EPRS1: variants seen among roughly 807,000 people sequenced by gnomAD.
EPRS1 encodes the protein bifunctional glutamate/proline--tRNA ligase.
In EPRS1, 107 loss-of-function variants were observed where a neutral mutation model predicts 188.3. The ratio of observed to expected loss-of-function variants is 0.57; its 90% CI spans 0.49 to 0.67. The LOEUF (loss-of-function observed/expected upper bound fraction) is 0.67, where lower values mean the gene tolerates loss of function less well. EPRS1 is among the 30% of genes least tolerant of loss of function. The pLI, the probability that EPRS1 is intolerant of heterozygous loss-of-function variation, is 0.00. For missense variants in EPRS1, 1,577 were observed against 1,802.2 expected, an observed-to-expected ratio of 0.88 and a Z score of 2.26; for synonymous variants, 596 against 593.1, an observed-to-expected ratio of 1.00 and a Z score of -0.07.
intron 27 of EPRS1, among the ~76,000 whole-genome samples, chr1:219,979,137 G>A (rs897763959): frequency 6.6e-6 from 1 of 152,170 alleles, no homozygotes; most frequent in Non-Finnish European, 1.5e-5. Context: ...TTACAGGCGT[G>A]AGCCTGCATG....
At chr1:220,011,467 G>C (rs754959448) in intron 12 of EPRS1, among the ~76,000 whole-genome samples, 1 of 152,162 alleles carries the variant, frequency 6.6e-6, no homozygotes, top group Non-Finnish European at 1.5e-5. Context: ...GGATATTTTT[G>C]TTTCAGTATT....
At position 219,983,371 on chromosome 1, in the gene EPRS1, A is replaced by T; in HGVS notation, c.3118T>A (p.Tyr1040Asn). The T allele has an allele frequency of 6.2e-7, 1 of 1,613,368 alleles. No homozygotes were observed. Among genetic ancestry groups the T allele is most frequent in the Non-Finnish European group, 8.5e-7 (1 of 1,179,578 alleles). ...QVITKSEMIE[Y>N]HDISGCYILR... ...ATATAACAGCCACTTATGTCATGGTATTCAATCATTTCTGACTTTGTGATG... is the reference window on the plus strand; with the variant it reads ...ATATAACAGCCACTTATGTCATGGTTTTCAATCATTTCTGACTTTGTGATG... Residue 1040 changes from tyrosine (Y) to asparagine (N), a missense_variant, in exon 22 of 32, where the codon TAC (tyrosine) becomes AAC (asparagine). By Grantham distance (143) the Tyr-to-Asn change is moderately radical (BLOSUM62 -2). Coordinates refer to ENST00000366923, the MANE Select transcript of EPRS1 (RefSeq NM_004446.3).
chr1:220,043,685 T>G (rs756513301), intron 1 of EPRS1, among the ~76,000 whole-genome samples: 11 of 152,294 alleles, frequency 7.2e-5, no homozygotes, highest in Non-Finnish European at 1.6e-4. Context: ...ACGCTATTCC[T>G]GCCAAAAACA....
intron 17 of EPRS1, among the ~76,000 whole-genome samples, chr1:219,997,961 A>G (rs1337218154): frequency 6.6e-6 from 1 of 152,202 alleles, no homozygotes; most frequent in East Asian, 1.9e-4. Context: ...TTATAAATTT[A>G]CAGGTATCTA....
At chr1:220,014,916 C>T (rs1661673174) in intron 12 of EPRS1, among the ~76,000 whole-genome samples, 1 of 152,118 alleles carries the variant, frequency 6.6e-6, no homozygotes. Context: ...CTGCAGAAAA[C>T]CCTACTATTA....
intron 30 of EPRS1, among the ~76,000 whole-genome samples, chr1:219,970,328 T>C (rs1445378886): frequency 5.3e-5 from 8 of 152,166 alleles, no homozygotes; most frequent in Admixed American, 5.2e-4. Flanking sequence ...TCTATGAAGG[T>C]GGAGACCCAA....
At chr1:220,015,168 A>G (rs1661677622) in intron 12 of EPRS1, among the ~76,000 whole-genome samples, 1 of 152,182 alleles carries the variant, frequency 6.6e-6, no homozygotes, top group Non-Finnish European at 1.5e-5. Context: ...TAGAGAAGAA[A>G]GAAAAAGAAT....
Position 220,025,266 on chromosome 1 carries a change from A to G in EPRS1, c.624-8T>C, listed in dbSNP as rs202027375. 74 of 1,578,200 alleles carry G rather than the reference A, an allele frequency of 4.7e-5. No homozygotes were observed. In the African/African-American group the frequency reaches 9.6e-4, roughly 20 times the overall value. On this transcript the variant is annotated splice_polypyrimidine_tract_variant and splice_region_variant and intron_variant, in intron 6 of 31. Transcript: ENST00000366923. ...TGCCCAATGTGTAAGTAACTAAAAC[A>G]AAAACATTTCACAAAGAAACTCATT...
intron 9 of EPRS1, among the ~76,000 whole-genome samples, chr1:220,021,249 C>T (rs2102589980): frequency 6.6e-6 from 1 of 152,106 alleles, no homozygotes; most frequent in African/African-American, 2.4e-5. Context: ...AGTGAAGTGG[C>T]ATGATCACAA....
chr1:220,026,192 A>C (rs1483371210), intron 6 of EPRS1, among the ~76,000 whole-genome samples: 1 of 152,228 alleles, frequency 6.6e-6, no homozygotes, highest in African/African-American at 2.4e-5. Context: ...ACGGAGATTA[A>C]AAATAAAAGA....
chr1:220,022,817 C>T (rs1661903236), intron 8 of EPRS1, among the ~76,000 whole-genome samples: 1 of 152,262 alleles, frequency 6.6e-6, no homozygotes, highest in South Asian at 2.1e-4. Flanking sequence ...GAAGGCTCCG[C>T]TCACCTAGTG....
Position 220,032,538 on chromosome 1 carries a change from G to C in EPRS1, c.389-12C>G. On this transcript the variant is annotated splice_polypyrimidine_tract_variant and intron_variant, in intron 4 of 31. Coordinates refer to ENST00000366923, the MANE Select transcript of EPRS1 (RefSeq NM_004446.3). ...CCAGGCAGCATTTCCTATGAGCAAA[G>C]ATAATTTTAAACTATTCAATAAATC... 1 of 1,612,006 alleles carries C rather than the reference G, an allele frequency of 6.2e-7. No homozygotes were observed. Among genetic ancestry groups the C allele is most frequent in the East Asian group, 2.2e-5 (1 of 44,836 alleles).
At chr1:220,001,941 A>G (rs1008494446) in intron 16 of EPRS1, among the ~76,000 whole-genome samples, 2 of 151,938 alleles carry the variant, frequency 1.3e-5, no homozygotes, top group African/African-American at 4.8e-5. Flanking sequence ...AGGCAGGAGA[A>G]TCACTTGAAC....
At chr1:220,036,851 C>G (rs975492129) in intron 2 of EPRS1, among the ~76,000 whole-genome samples, 1 of 151,958 alleles carries the variant, frequency 6.6e-6, no homozygotes, top group Non-Finnish European at 1.5e-5. Flanking sequence ...AGAATAAATT[C>G]ATTTTTAGCA....
intron 2 of EPRS1, among the ~76,000 whole-genome samples, chr1:220,038,898 G>A (rs1201795702): frequency 6.6e-6 from 1 of 152,108 alleles, no homozygotes; most frequent in Non-Finnish European, 1.5e-5. Flanking sequence ...AGAAGAGCAG[G>A]TGAAGTCTGT....
At chr1:220,031,202 G>A (rs914448768) in intron 5 of EPRS1, among the ~76,000 whole-genome samples, 3 of 152,122 alleles carry the variant, frequency 2.0e-5, no homozygotes, top group Non-Finnish European at 2.9e-5. Flanking sequence ...AGTTAGGAAT[G>A]CATATTGGGT....
intron 18 of EPRS1, among the ~76,000 whole-genome samples, chr1:219,990,759 T>C (rs1348259409): frequency 6.6e-6 from 1 of 152,128 alleles, no homozygotes; most frequent in Non-Finnish European, 1.5e-5. Context: ...GAAGAACAAA[T>C]GGATGGAGAA....
intron 3 of EPRS1, 148 bp from the exon 4 acceptor site, chr1:220,033,806 G>A (rs908576677): frequency 5.2e-6 from 3 of 575,146 alleles, no homozygotes; most frequent in Admixed American, 7.3e-5. Context: ...TCATTATGTG[G>A]ACTAAATTCT....
rs1337942205 is a variant in EPRS1 at position 220,018,515 on chromosome 1, A to T, written c.1435-7T>A. The T allele has an allele frequency of 6.2e-7, 1 of 1,601,530 alleles. No individual in the cohort carries two copies. The highest frequency in any genetic ancestry group is 1.1e-5 in the South Asian group (1 of 90,764). ...CGACTGAACGTGAGGAGCCCTAAAA[A>T]ACAATAACAACATGATTTTAAGGGC... is the stretch of plus-strand genomic sequence containing the variant. On this transcript the variant is annotated splice_polypyrimidine_tract_variant and splice_region_variant and intron_variant, in intron 11 of 31. Transcript: ENST00000366923.
Sources: gnomAD v4.1 joint callset for allele counts (sites outside exome capture counted in the v4.1 genomes callset) on GRCh38, gnomAD v4.1.1 for gene constraint, MANE v1.5 for transcripts, NCBI Gene and HGNC (gene_info 2026-07-23, HGNC 2026-07-21) for gene names.